SLC35F1: variants seen among roughly 807,000 people sequenced by gnomAD.
The protein encoded by SLC35F1 is solute carrier family 35 member F1, also known as chromosome 6 open reading frame 169.
Under a neutral mutation model 48.7 loss-of-function variants are expected in SLC35F1, and 14 were observed. That is an observed-to-expected ratio of 0.29 (90% CI 0.19 to 0.45). The LOEUF is 0.45. Ranked by LOEUF, SLC35F1 falls within the 20% of genes least tolerant of loss-of-function variation. SLC35F1 has a pLI of 1.00. For synonymous variants in SLC35F1, 190 were observed against 202.2 expected (o/e 0.94, Z 0.51); for missense variants, 404 against 500.0 (o/e 0.81, Z 1.83).
intron 7 of SLC35F1, among the ~76,000 whole-genome samples, chr6:118,286,333 T>C (rs1018057614): frequency 2.0e-5 from 3 of 152,280 alleles, no homozygotes; most frequent in Admixed American, 2.0e-4. Context: ...AGGCAGAGCA[T>C]CTTCATCCAG....
At chr6:117,957,332 C>A (rs963537089) in intron 1 of SLC35F1, among the ~76,000 whole-genome samples, 1 of 152,032 alleles carries the variant, frequency 6.6e-6, no homozygotes, top group East Asian at 1.9e-4. Flanking sequence ...AACACTGGAG[C>A]CCTGTGCTTT....
At chr6:118,076,304 AG>A (rs1167183774) in intron 1 of SLC35F1, among the ~76,000 whole-genome samples, 1 of 152,166 alleles carries the variant, frequency 6.6e-6, no homozygotes, top group African/African-American at 2.4e-5. Flanking sequence ...TGAGGTGGGA[AG>A]TTTTATCTAG....
chr6:118,259,535 A>G (rs1159729507), intron 3 of SLC35F1, among the ~76,000 whole-genome samples: 1 of 152,098 alleles, frequency 6.6e-6, no homozygotes, highest in African/African-American at 2.4e-5. Flanking sequence ...AAATATTGAC[A>G]AATACCTCAT....
intron 1 of SLC35F1, among the ~76,000 whole-genome samples, chr6:118,141,202 A>T (rs1001676617): frequency 2.0e-5 from 3 of 152,068 alleles, no homozygotes; most frequent in Admixed American, 6.5e-5. Flanking sequence ...CAGGTGTACC[A>T]TTTTTCTGTT....
intron 2 of SLC35F1, among the ~76,000 whole-genome samples, chr6:118,211,502 T>C (rs1416504363): frequency 2.6e-5 from 4 of 152,188 alleles, no homozygotes; most frequent in Non-Finnish European, 5.9e-5. Flanking sequence ...TCAATAAATA[T>C]ATGCTAAATA....
chr6:118,287,083 A>G (rs1198097786), intron 7 of SLC35F1, among the ~76,000 whole-genome samples: 1 of 152,146 alleles, frequency 6.6e-6, no homozygotes, highest in Non-Finnish European at 1.5e-5. Flanking sequence ...TTTCGTCTGT[A>G]TGGAACAAGC....
At chr6:118,117,372 A>G (rs576707071) in intron 1 of SLC35F1, among the ~76,000 whole-genome samples, 1 of 152,334 alleles carries the variant, frequency 6.6e-6, no homozygotes, top group African/African-American at 2.4e-5. Flanking sequence ...GGCATAGAAC[A>G]AATGGAGAGG....
intron 1 of SLC35F1, among the ~76,000 whole-genome samples, chr6:118,140,802 G>C (rs1430684160): frequency 1.3e-5 from 2 of 152,028 alleles, no homozygotes; most frequent in African/African-American, 2.4e-5. Flanking sequence ...GCTAATGTGT[G>C]TGCTGCATTT....
At chr6:118,148,627 C>G (rs1164553548) in intron 1 of SLC35F1, among the ~76,000 whole-genome samples, 1 of 152,100 alleles carries the variant, frequency 6.6e-6, no homozygotes, top group Non-Finnish European at 1.5e-5. Flanking sequence ...AATGCATAAA[C>G]AAAGAAGATG....
intron 1 of SLC35F1, among the ~76,000 whole-genome samples, chr6:117,997,408 C>A (rs1777010826): frequency 1.3e-5 from 2 of 151,968 alleles, no homozygotes; most frequent in African/African-American, 4.8e-5. Flanking sequence ...CATTCAGATT[C>A]AGGAAATACA....
intron 1 of SLC35F1, among the ~76,000 whole-genome samples, chr6:117,923,667 A>ACATATGTATATATG (rs1775949066): frequency 2.0e-5 from 1 of 49,450 alleles, no homozygotes; most frequent in Non-Finnish European, 3.8e-5. Context: ...ATGTATATAT[A>ACATATGTATATATG]CATATATGTA....
chr6:117,947,561 T>C (rs1399521916), intron 1 of SLC35F1, among the ~76,000 whole-genome samples: 3 of 152,148 alleles, frequency 2.0e-5, no homozygotes, highest in Non-Finnish European at 4.4e-5. Flanking sequence ...AACATCTAGA[T>C]GCAAGAGAAT....
At chr6:118,140,782 G>A (rs1468990348) in intron 1 of SLC35F1, among the ~76,000 whole-genome samples, 1 of 152,038 alleles carries the variant, frequency 6.6e-6, no homozygotes, top group African/African-American at 2.4e-5. Flanking sequence ...TTGATCCTTT[G>A]TAGGCCTAGG....
At chr6:118,294,915 G>A (rs1364024999) in intron 7 of SLC35F1, among the ~76,000 whole-genome samples, 2 of 151,970 alleles carry the variant, frequency 1.3e-5, no homozygotes, top group Non-Finnish European at 2.9e-5. Flanking sequence ...AGGATTTCAT[G>A]TGCATGTTTT....
intron 7 of SLC35F1, among the ~76,000 whole-genome samples, chr6:118,291,457 CTT>C (rs763719730): frequency 9.7e-4 from 147 of 152,114 alleles, no homozygotes; most frequent in Non-Finnish European, 1.7e-3. Flanking sequence ...ATACCCGACT[CTT>C]ATCAGATATA....
chr6:117,962,461 T>G (rs1003398625), intron 1 of SLC35F1, among the ~76,000 whole-genome samples: 4 of 152,170 alleles, frequency 2.6e-5, no homozygotes, highest in African/African-American at 9.7e-5. Context: ...AAAATGCAAG[T>G]CCTTGAACAC....
chr6:117,954,652 T>G (rs1384720744), intron 1 of SLC35F1, among the ~76,000 whole-genome samples: 1 of 152,172 alleles, frequency 6.6e-6, no homozygotes, highest in Non-Finnish European at 1.5e-5. Flanking sequence ...GGCTGGCAGG[T>G]GGAAATTATT....
chr6:118,080,135 A>G (rs1380706429), intron 1 of SLC35F1, among the ~76,000 whole-genome samples: 3 of 152,252 alleles, frequency 2.0e-5, no homozygotes, highest in African/African-American at 7.2e-5. Flanking sequence ...GGTACCTACC[A>G]GCTCCTGAAG....
chr6:118,181,117 T>C (rs1774571685), intron 2 of SLC35F1, among the ~76,000 whole-genome samples: 1 of 152,102 alleles, frequency 6.6e-6, no homozygotes, highest in Admixed American at 6.6e-5. Context: ...AAAAGTAGAG[T>C]TTCCTACTAA....
Sources: gnomAD v4.1 joint callset for allele counts (sites outside exome capture counted in the v4.1 genomes callset) on GRCh38, gnomAD v4.1.1 for gene constraint, MANE v1.5 for transcripts, NCBI Gene and HGNC (gene_info 2026-07-23, HGNC 2026-07-21) for gene names.